The following ADGRV1 variants were observed in gnomAD, a reference collection of about 807,000 sequenced individuals.
The protein encoded by ADGRV1 is G-protein coupled receptor 98.
Under a neutral mutation model 596.2 loss-of-function variants are expected in ADGRV1, and 359 were observed. That is an observed-to-expected ratio of 0.60 (90% CI 0.55 to 0.66). The LOEUF is 0.66. Ranked by LOEUF, ADGRV1 falls within the 30% of genes least tolerant of loss-of-function variation. The pLI, the probability that ADGRV1 is intolerant of heterozygous loss-of-function variation, is 0.00. For missense variants in ADGRV1, 7,274 were observed against 7,575.6 expected (o/e 0.96, Z 1.48); for synonymous variants, 2,681 against 2,679.2 (o/e 1.00, Z -0.02).
chr5:90,790,077 AT>A (rs1759897217), intron 69 of ADGRV1, among the ~76,000 whole-genome samples: 1 of 152,156 alleles, frequency 6.6e-6, no homozygotes, highest in African/African-American at 2.4e-5. Context: ...GTTCAGAAAG[AT>A]TTTCCTCACA....
intron 77 of ADGRV1, among the ~76,000 whole-genome samples, chr5:90,836,125 A>C (rs1764946547): frequency 6.6e-6 from 1 of 152,164 alleles, no homozygotes; most frequent in Non-Finnish European, 1.5e-5. Context: ...TCACTTATTC[A>C]TTGCTGATGG....
chr5:90,625,612 T>C (rs1397401583), intron 6 of ADGRV1: 1 of 158,344 alleles, frequency 6.3e-6, no homozygotes, highest in Non-Finnish European at 1.4e-5. Context: ...ATTTTTTTGT[T>C]GTTGTTTAGA....
In ADGRV1 at chr5:90,848,642, T is replaced by C. The variant is rs1766156832; in HGVS notation, c.17025T>C (p.Thr5675=). The C allele has an allele frequency of 4.0e-6, 6 of 1,491,468 alleles. No homozygotes were observed. The highest frequency in any genetic ancestry group is 5.3e-6 in the Non-Finnish European group (6 of 1,123,774). The allele number at this position is 1,491,468 out of a possible 1,614,324, so 92.4% of individuals were successfully genotyped here. The part of the protein sequence containing the change: ...SAMMHLIEKI[T]TEGKIQAFSV... The stretch of plus-strand genomic sequence containing the variant: ...TACTTAGATTCTTTTTCCAGATAAC[T>C]ACTGAAGGAAAAATTCAAGCTTTCA... The change falls in exon 79 of 90, where the codon ACT becomes ACC. Residue 5675 remains threonine, a synonymous_variant. Transcript: ENST00000405460.
rs959043705 is a variant in ADGRV1 at position 90,883,429 on chromosome 5, G to A, written c.17856+19572G>A. Among the ~76,000 whole-genome samples, 8 of 152,180 alleles carry A rather than the reference G, an allele frequency of 5.3e-5. No homozygotes were observed. The East Asian group carries it at 5.8e-4, about 11-fold the overall frequency. ...ATAAAATCCAGTAGTGAGGTATGCC[G>A]AAAATGGGGTGGTCTTTAGACTCCT... On this transcript the variant is annotated intron_variant, in intron 83 of 89. Coordinates refer to ENST00000405460, the MANE Select transcript of ADGRV1 (RefSeq NM_032119.4).
intron 17 of ADGRV1, 34 bp from the exon 18 acceptor site, chr5:90,651,570 C>G (rs1186170934): frequency 7.2e-7 from 1 of 1,391,496 alleles, no homozygotes; most frequent in Non-Finnish European, 9.7e-7. Flanking sequence ...TTAGCTACTT[C>G]TTTGTTATTT....
intron 85 of ADGRV1, among the ~76,000 whole-genome samples, chr5:91,057,378 G>A (rs1786981532): frequency 6.6e-6 from 1 of 152,096 alleles, no homozygotes; most frequent in African/African-American, 2.4e-5. Context: ...TAAGAAGTTT[G>A]GCTACAATTA....
chr5:91,116,529 T>C (rs556347685), intron 87 of ADGRV1, among the ~76,000 whole-genome samples: 1 of 152,210 alleles, frequency 6.6e-6, no homozygotes. Context: ...TAGTGTATCA[T>C]TGAAATCAGT....
chr5:91,110,878 T>C (rs576930590), intron 87 of ADGRV1, among the ~76,000 whole-genome samples: 1 of 148,794 alleles, frequency 6.7e-6, no homozygotes, highest in South Asian at 2.1e-4. Flanking sequence ...TGTTTGACTG[T>C]TTCTCTGTGA....
At chr5:90,646,676 T>C (rs1767816539) in intron 16 of ADGRV1, among the ~76,000 whole-genome samples, 1 of 152,316 alleles carries the variant, frequency 6.6e-6, no homozygotes, top group Middle Eastern at 3.4e-3. Flanking sequence ...CTTGAATCCT[T>C]GTTGTCAGCT....
intron 83 of ADGRV1, among the ~76,000 whole-genome samples, chr5:90,872,460 T>C (rs929891549): frequency 8.7e-6 from 1 of 115,108 alleles, no homozygotes; most frequent in African/African-American, 3.1e-5. Flanking sequence ...TGTGTGTGTG[T>C]GTGTGTACAT....
At chr5:90,698,941 T>C (rs936575504) in intron 34 of ADGRV1, among the ~76,000 whole-genome samples, 2 of 152,038 alleles carry the variant, frequency 1.3e-5, no homozygotes, top group African/African-American at 4.8e-5. Context: ...GAGTTAGATC[T>C]CAAATGGGCC....
At chr5:91,114,620 C>T (rs1792690662) in intron 87 of ADGRV1, among the ~76,000 whole-genome samples, 1 of 152,152 alleles carries the variant, frequency 6.6e-6, no homozygotes. Context: ...TTTTCTCTCT[C>T]TTGAGACAAA....
intron 85 of ADGRV1, among the ~76,000 whole-genome samples, chr5:90,998,124 T>A (rs1198021975): frequency 1.3e-5 from 2 of 152,214 alleles, no homozygotes; most frequent in Non-Finnish European, 2.9e-5. Context: ...ATGTTTGACA[T>A]AAAGATTGCA....
At chr5:91,096,442 G>C (rs1790872901) in intron 86 of ADGRV1, among the ~76,000 whole-genome samples, 1 of 152,204 alleles carries the variant, frequency 6.6e-6, no homozygotes, top group African/African-American at 2.4e-5. Flanking sequence ...CTTTCTTAAT[G>C]ATAGTAGCAC....
At chr5:90,978,622 A>G (rs1220065554) in intron 84 of ADGRV1, among the ~76,000 whole-genome samples, 1 of 152,184 alleles carries the variant, frequency 6.6e-6, no homozygotes, top group African/African-American at 2.4e-5. Flanking sequence ...GGTTGAGGTG[A>G]TGGATACCCC....
chr5:90,897,289 C>G (rs930049746), intron 83 of ADGRV1, among the ~76,000 whole-genome samples: 6 of 152,192 alleles, frequency 3.9e-5, no homozygotes, highest in Admixed American at 2.6e-4. Flanking sequence ...GATAATGATT[C>G]ATAGTTAATA....
intron 83 of ADGRV1, among the ~76,000 whole-genome samples, chr5:90,877,502 C>T (rs1227125318): frequency 6.6e-6 from 1 of 151,576 alleles, no homozygotes; most frequent in East Asian, 1.9e-4. Context: ...TCTGAAAAGG[C>T]TGAAGTATCT....
At chr5:90,950,747 C>T (rs185046819) in intron 83 of ADGRV1, among the ~76,000 whole-genome samples, 11 of 152,220 alleles carry the variant, frequency 7.2e-5, no homozygotes, top group East Asian at 1.9e-4. Flanking sequence ...GCTGGAGTAG[C>T]GGGAGTACTT....
At chr5:90,672,978 A>G (rs777221310) in intron 22 of ADGRV1, 2 of 391,164 alleles carry the variant, frequency 5.1e-6, no homozygotes, top group Non-Finnish European at 9.0e-6. Context: ...GTGATTTCCT[A>G]TGGATCTGTC....
Sources: gnomAD v4.1 joint callset for allele counts (sites outside exome capture counted in the v4.1 genomes callset) on GRCh38, gnomAD v4.1.1 for gene constraint, MANE v1.5 for transcripts, NCBI Gene and HGNC (gene_info 2026-07-23, HGNC 2026-07-21) for gene names.